The following WWOX variants were observed in gnomAD, a reference collection of about 807,000 sequenced individuals.
WWOX encodes WW domain containing oxidoreductase.
WWOX carries 69 observed loss-of-function variants against 46.2 expected under a neutral mutation model. That is an observed-to-expected ratio of 1.49 (90% CI 1.23 to 1.82). The LOEUF (loss-of-function observed/expected upper bound fraction) is 1.82, where lower values mean the gene tolerates loss of function less well. Ranked by LOEUF, WWOX falls within the 40% of genes most tolerant of loss-of-function variation. The pLI, the probability that WWOX is intolerant of heterozygous loss-of-function variation, is 0.00. For missense variants in WWOX, 919 were observed against 542.6 expected (o/e 1.69, Z -6.89); for synonymous variants, 359 against 202.6 (o/e 1.77, Z -6.56).
At chr16:78,828,559 C>G (rs919436322) in intron 8 of WWOX, among the ~76,000 whole-genome samples, 4 of 151,580 alleles carry the variant, frequency 2.6e-5, no homozygotes, top group African/African-American at 9.7e-5. Flanking sequence ...TAATTTATAA[C>G]TATATCATTT....
chr16:78,643,826 C>CAA (rs5818156), intron 8 of WWOX, among the ~76,000 whole-genome samples: 2,802 of 138,452 alleles, frequency 0.02, 29 homozygotes, highest in Non-Finnish European at 0.029. Flanking sequence ...CCCCTAACTC[C>CAA]AAAAAAAAAA....
chr16:78,407,952 A>G (rs1051073259), intron 6 of WWOX, among the ~76,000 whole-genome samples: 6 of 152,190 alleles, frequency 3.9e-5, no homozygotes, highest in Non-Finnish European at 5.9e-5. Context: ...AGGAATGGAC[A>G]TATCCCAAGC....
At chr16:79,011,950 G>A (rs779358090) in intron 8 of WWOX, among the ~76,000 whole-genome samples, 5 of 152,116 alleles carry the variant, frequency 3.3e-5, no homozygotes, top group African/African-American at 4.8e-5. Flanking sequence ...CACTGTGCCT[G>A]GCCTCTGTCA....
intron 5 of WWOX, among the ~76,000 whole-genome samples, chr16:78,259,111 A>G (rs571056178): frequency 1.3e-5 from 2 of 152,360 alleles, no homozygotes; most frequent in Non-Finnish European, 2.9e-5. Context: ...TTGAGTTAGA[A>G]ATAGAGTTTT....
chr16:78,634,312 G>C (rs570315153), intron 8 of WWOX, among the ~76,000 whole-genome samples: 3 of 152,116 alleles, frequency 2.0e-5, no homozygotes, highest in African/African-American at 7.2e-5. Flanking sequence ...GAAATGATAC[G>C]CTTCAGCTCT....
At chr16:79,146,220 A>G (rs1321670992) in intron 8 of WWOX, among the ~76,000 whole-genome samples, 3 of 152,228 alleles carry the variant, frequency 2.0e-5, no homozygotes, top group Non-Finnish European at 2.9e-5. Context: ...TGCAGAGGAG[A>G]AAACAAAAAG....
chr16:79,028,277 C>G (rs1363423757), intron 8 of WWOX, among the ~76,000 whole-genome samples: 1 of 151,790 alleles, frequency 6.6e-6, no homozygotes, highest in African/African-American at 2.4e-5. Flanking sequence ...TTCCTAATAC[C>G]TGGCCCAGTG....
intron 8 of WWOX, among the ~76,000 whole-genome samples, chr16:78,961,835 C>G (rs1420827672): frequency 6.6e-6 from 1 of 152,122 alleles, no homozygotes; most frequent in Non-Finnish European, 1.5e-5. Context: ...TCTATTTCTG[C>G]TACATCTTCC....
chr16:78,187,457 G>C (rs1669365580), intron 5 of WWOX, among the ~76,000 whole-genome samples: 1 of 152,156 alleles, frequency 6.6e-6, no homozygotes, highest in African/African-American at 2.4e-5. Context: ...CAAAAAATTA[G>C]CTGGCCGTGG....
chr16:78,159,986 C>T (rs1010428987), intron 4 of WWOX, among the ~76,000 whole-genome samples: 10 of 151,846 alleles, frequency 6.6e-5, no homozygotes, highest in Non-Finnish European at 1.3e-4. Flanking sequence ...AGCCCTTTAT[C>T]AATTTTATTA....
intron 8 of WWOX, among the ~76,000 whole-genome samples, chr16:78,489,062 G>A (rs1247672445): frequency 1.3e-5 from 2 of 152,088 alleles, no homozygotes; most frequent in African/African-American, 2.4e-5. Context: ...GAGATCAATA[G>A]TTATCTGCTT....
intron 8 of WWOX, among the ~76,000 whole-genome samples, chr16:78,769,289 C>T (rs370721652): frequency 1.1e-3 from 160 of 152,268 alleles, no homozygotes; most frequent in Admixed American, 8.3e-3. Flanking sequence ...ATCGTCCATC[C>T]GTCTGTCCAT....
chr16:78,159,482 C>G (rs1230568120), intron 4 of WWOX, among the ~76,000 whole-genome samples: 1 of 152,086 alleles, frequency 6.6e-6, no homozygotes, highest in Non-Finnish European at 1.5e-5. Context: ...ACACCCTGAA[C>G]CACACTTGTT....
intron 8 of WWOX, among the ~76,000 whole-genome samples, chr16:78,862,846 C>G (rs570148822): frequency 6.6e-6 from 1 of 152,094 alleles, no homozygotes; most frequent in African/African-American, 2.4e-5. Flanking sequence ...CGTTAATGTC[C>G]TCCAGAAACG....
chr16:78,148,892 C>T (rs11639604), intron 4 of WWOX, among the ~76,000 whole-genome samples: 21,051 of 102,260 alleles, frequency 0.21, 1,910 homozygotes, highest in East Asian at 0.23. Context: ...AGCAAGACTC[C>T]GTCTCAAAAA....
chr16:79,194,333 T>C (rs1029974155), intron 8 of WWOX, among the ~76,000 whole-genome samples: 9 of 152,160 alleles, frequency 5.9e-5, no homozygotes, highest in African/African-American at 2.2e-4. Context: ...TAGAGAAATA[T>C]TCTCTAAGCA....
chr16:78,734,227 A>G (rs768683966), intron 8 of WWOX, among the ~76,000 whole-genome samples: 8 of 152,134 alleles, frequency 5.3e-5, no homozygotes, highest in Non-Finnish European at 1.2e-4. Context: ...ACACATCAAA[A>G]TGAGACTCTT....
chr16:78,372,145 G>C (rs568459050), intron 5 of WWOX, among the ~76,000 whole-genome samples: 1 of 152,334 alleles, frequency 6.6e-6, no homozygotes, highest in South Asian at 2.1e-4. Context: ...TTTGTGAACA[G>C]CTGGTAGTCT....
In WWOX at chr16:78,574,999, TTATATATATATATATATATATAAA is replaced by T. The variant is rs2044815045; in HGVS notation, c.1056+142270_1056+142293del. Among the ~76,000 whole-genome samples, 6 of 37,034 alleles carry T rather than the reference TTATATATATATATATATATATAAA, an allele frequency of 1.6e-4. 1 individual carries two copies. Among genetic ancestry groups the T allele is most frequent in the East Asian group, 1.0e-3 (1 of 1,000 alleles). 24.3% of individuals were successfully genotyped at this position (37,034 alleles called of 152,430 possible). A position where few individuals can be genotyped will look rare whatever the true frequency, so the allele number is the denominator to read the frequency against. ...AATATATTCAATATTTATTTTTCAA[TTATATATATATATATATATATAAA>T]TATATATATATATATATATATATAT... On this transcript the variant is annotated intron_variant, in intron 8 of 8. Coordinates refer to ENST00000566780, the MANE Select transcript of WWOX (RefSeq NM_016373.4).
Sources: allele counts gnomAD v4.1 joint callset (sites outside exome capture counted in the v4.1 genomes callset), GRCh38; gene constraint gnomAD v4.1.1; transcripts MANE v1.5; gene names NCBI Gene and HGNC (gene_info 2026-07-23, HGNC 2026-07-21).